Variants in DSCAM observed in about 807,000 individuals in gnomAD.
The protein encoded by DSCAM is cell adhesion molecule DSCAM.
A neutral mutation model predicts 217.7 loss-of-function variants in DSCAM; 47 were observed. The ratio of observed to expected loss-of-function variants is 0.22; its 90% CI spans 0.17 to 0.28. The LOEUF (loss-of-function observed/expected upper bound fraction) is 0.28, where lower values mean the gene tolerates loss of function less well. DSCAM is among the 10% of genes least tolerant of loss of function. The probability of loss-of-function intolerance (pLI) is 1.00; values close to 1 mark genes in which losing one functional copy is unlikely to be tolerated. For missense variants in DSCAM, 2,080 were observed against 2,618.3 expected, an observed-to-expected ratio of 0.79 and a Z score of 4.49; for synonymous variants, 1,056 against 1,015.3, an observed-to-expected ratio of 1.04 and a Z score of -0.76.
At chr21:40,775,573 A>G (rs1210693100) in intron 1 of DSCAM, among the ~76,000 whole-genome samples, 1 of 152,188 alleles carries the variant, frequency 6.6e-6, no homozygotes, top group Non-Finnish European at 1.5e-5. Context: ...ACGGATTCTG[A>G]GGCACAGATC....
intron 3 of DSCAM, among the ~76,000 whole-genome samples, chr21:40,474,127 T>C (rs1369935902): frequency 6.6e-6 from 1 of 152,092 alleles, no homozygotes; most frequent in Admixed American, 6.5e-5. Context: ...ACCAGTTCTC[T>C]ACTAAAAATA....
At chr21:40,394,433 A>G (rs369281111) in intron 3 of DSCAM, among the ~76,000 whole-genome samples, 9 of 152,300 alleles carry the variant, frequency 5.9e-5, no homozygotes, top group East Asian at 5.8e-4. Flanking sequence ...AGGATGAAAA[A>G]TAATAGAATA....
chr21:40,127,308 A>C (rs2090104764), intron 19 of DSCAM, among the ~76,000 whole-genome samples: 1 of 152,208 alleles, frequency 6.6e-6, no homozygotes, highest in Admixed American at 6.5e-5. Flanking sequence ...CCAGACACTG[A>C]GAGTTGCAGA....
intron 11 of DSCAM, among the ~76,000 whole-genome samples, chr21:40,198,917 T>C (rs8130768): frequency 0.051 from 7,753 of 152,276 alleles, 446 homozygotes; most frequent in African/African-American, 0.14. Flanking sequence ...ACTGGTCTTG[T>C]ACCGATGATG....
intron 11 of DSCAM, among the ~76,000 whole-genome samples, chr21:40,231,962 C>T (rs1322650653): frequency 6.6e-6 from 1 of 152,190 alleles, no homozygotes; most frequent in Admixed American, 6.5e-5. Flanking sequence ...GGTCTGGACA[C>T]CACCCTTGGC....
intron 1 of DSCAM, among the ~76,000 whole-genome samples, chr21:40,828,484 C>T (rs79642293): frequency 0.047 from 7,094 of 152,108 alleles, 219 homozygotes; most frequent in Non-Finnish European, 0.068. Flanking sequence ...AGTTCTCCCC[C>T]ACCCATGAGC....
At chr21:40,364,206 C>T (rs906546714) in intron 4 of DSCAM, among the ~76,000 whole-genome samples, 19 of 152,146 alleles carry the variant, frequency 1.2e-4, no homozygotes, top group African/African-American at 4.6e-4. Context: ...ATAAATCATG[C>T]TGCTATAAAG....
At chr21:40,390,343 A>T (rs1287858075) in intron 3 of DSCAM, among the ~76,000 whole-genome samples, 1 of 152,336 alleles carries the variant, frequency 6.6e-6, no homozygotes, top group East Asian at 1.9e-4. Context: ...TAGCCAATCA[A>T]GAGATGACAA....
intron 3 of DSCAM, among the ~76,000 whole-genome samples, chr21:40,509,246 A>G (rs2076239261): frequency 6.6e-6 from 1 of 152,180 alleles, no homozygotes; most frequent in African/African-American, 2.4e-5. Flanking sequence ...TTGCAGCCAT[A>G]AATTCCAAGA....
intron 3 of DSCAM, among the ~76,000 whole-genome samples, chr21:40,642,503 A>C (rs2089895198): frequency 6.6e-6 from 1 of 152,172 alleles, no homozygotes; most frequent in South Asian, 2.1e-4. Context: ...CCCCAGTTAC[A>C]GGAGTTTTTG....
intron 3 of DSCAM, among the ~76,000 whole-genome samples, chr21:40,659,714 C>T (rs1374064122): frequency 2.0e-5 from 3 of 152,126 alleles, no homozygotes; most frequent in African/African-American, 4.8e-5. Context: ...ATCTATCGAT[C>T]GATCCATCCA....
At chr21:40,543,599 TG>T (rs997912431) in intron 3 of DSCAM, among the ~76,000 whole-genome samples, 2 of 151,198 alleles carry the variant, frequency 1.3e-5, no homozygotes, top group Non-Finnish European at 3.0e-5. Flanking sequence ...AGGAAAGGAA[TG>T]GGGGGGCAGG....
intron 3 of DSCAM, among the ~76,000 whole-genome samples, chr21:40,472,551 C>T (rs7275692): frequency 0.073 from 11,082 of 152,112 alleles, 785 homozygotes; most frequent in African/African-American, 0.18. Context: ...CATAGTAAAA[C>T]TTCATTTTGA....
chr21:40,476,310 T>C (rs1321362406), intron 3 of DSCAM, among the ~76,000 whole-genome samples: 1 of 152,240 alleles, frequency 6.6e-6, no homozygotes, highest in Non-Finnish European at 1.5e-5. Flanking sequence ...TCATCATGGA[T>C]ACGACTTGGA....
chr21:40,714,530 A>T (rs1201429786), intron 1 of DSCAM, among the ~76,000 whole-genome samples: 1 of 152,154 alleles, frequency 6.6e-6, no homozygotes, highest in Non-Finnish European at 1.5e-5. Flanking sequence ...TTTTAGATTT[A>T]CTTGAAACCT....
chr21:40,634,570 A>G (rs1290059757), intron 3 of DSCAM, among the ~76,000 whole-genome samples: 2 of 152,246 alleles, frequency 1.3e-5, no homozygotes, highest in East Asian at 3.8e-4. Context: ...CATTCCCAAT[A>G]TGCCCTAGAA....
chr21:40,650,702 T>C (rs1220711108), intron 3 of DSCAM, among the ~76,000 whole-genome samples: 1 of 152,154 alleles, frequency 6.6e-6, no homozygotes, highest in Non-Finnish European at 1.5e-5. Flanking sequence ...GATCATGAGG[T>C]CAGTAGTTCA....
chr21:40,612,614 T>C (rs750178499), intron 3 of DSCAM, among the ~76,000 whole-genome samples: 2 of 152,226 alleles, frequency 1.3e-5, no homozygotes, highest in African/African-American at 4.8e-5. Context: ...CCTGTCCAAA[T>C]CTCATGTTTA....
intron 7 of DSCAM, 79 bp from the exon 8 acceptor site, chr21:40,338,455 G>T: frequency 7.1e-7 from 1 of 1,404,994 alleles, no homozygotes; most frequent in Non-Finnish European, 9.6e-7. Context: ...TTTTCCTTGA[G>T]TTAAAAATGT....
Sources: gnomAD v4.1 joint callset for allele counts (sites outside exome capture counted in the v4.1 genomes callset) on GRCh38, gnomAD v4.1.1 for gene constraint, MANE v1.5 for transcripts, NCBI Gene and HGNC (gene_info 2026-07-23, HGNC 2026-07-21) for gene names.